The following TGFBR2 variants were observed in gnomAD, a reference collection of about 807,000 sequenced individuals.
The protein encoded by TGFBR2 is TGF-beta receptor type-2.
TGFBR2 carries 18 observed loss-of-function variants against 49.0 expected under a neutral mutation model. That is an observed-to-expected ratio of 0.37 (90% CI 0.25 to 0.54). The LOEUF (loss-of-function observed/expected upper bound fraction) is 0.54, where lower values mean the gene tolerates loss of function less well. TGFBR2 is among the 20% of genes least tolerant of loss of function. The pLI, the probability that TGFBR2 is intolerant of heterozygous loss-of-function variation, is 0.85. For missense variants in TGFBR2, 525 were observed against 722.6 expected (o/e 0.73, Z 3.13); for synonymous variants, 282 against 275.9 (o/e 1.02, Z -0.22).
chr3:30,648,462 A>ACACACACCC (rs71786414), intron 2 of TGFBR2, among the ~76,000 whole-genome samples: 1 of 149,872 alleles, frequency 6.7e-6, no homozygotes, highest in East Asian at 2.0e-4. Flanking sequence ...ACACACACAC[A>ACACACACCC]AAACTGTGGG....
rs1027228579 is a variant in TGFBR2 at position 30,691,888 on chromosome 3, A to G, written c.*289A>G. On this transcript the variant is annotated 3_prime_UTR_variant, in exon 7 of 7. Coordinates refer to ENST00000295754, the MANE Select transcript of TGFBR2 (RefSeq NM_003242.6). ...ATTTGCACTTTATTAATGCCTGTAT[A>G]TAAATATGAATAGCTATGTTTTATA... 10 of 374,306 alleles carry G rather than the reference A, an allele frequency of 2.7e-5. No homozygotes were observed. Among genetic ancestry groups the G allele is most frequent in the African/African-American group, 8.1e-5 (4 of 49,080 alleles). 23.2% of individuals were successfully genotyped at this position (374,306 alleles called of 1,614,324 possible).
chr3:30,644,867 G>A lies in TGFBR2; in HGVS notation c.215G>A (p.Ser72Asn), dbSNP rs764941621. ...CAGAAATCCTGCATGAGCAACTGCA[G>A]CATCACCTCCATCTGTGAGAAGCCA... The part of the protein sequence containing the change: ...DNQKSCMSNC[S>N]ITSICEKPQE... The change falls in exon 2 of 7, where the codon AGC becomes AAC. Residue 72 changes from serine to asparagine, a missense_variant. By Grantham distance (46) the Ser-to-Asn change is conservative (BLOSUM62 1). Coordinates refer to ENST00000295754, the MANE Select transcript of TGFBR2 (RefSeq NM_003242.6). 9.9e-6 allele frequency: 16 copies of A among 1,614,176 alleles called. No homozygotes were observed. Among genetic ancestry groups the A allele is most frequent in the Non-Finnish European group, 1.3e-5 (15 of 1,180,002 alleles).
chr3:30,658,659 A>C (rs1358885687), intron 3 of TGFBR2, among the ~76,000 whole-genome samples: 1 of 152,168 alleles, frequency 6.6e-6, no homozygotes, highest in Non-Finnish European at 1.5e-5. Context: ...AGAGAAGAAG[A>C]CTTCTTGTAG....
At chr3:30,659,537 T>C (rs1183250135) in intron 3 of TGFBR2, among the ~76,000 whole-genome samples, 1 of 144,378 alleles carries the variant, frequency 6.9e-6, no homozygotes, top group African/African-American at 2.5e-5. Context: ...CTTTTCAAGA[T>C]TTTTTTTTTT....
At chr3:30,668,729 C>T (rs984487984) in intron 3 of TGFBR2, among the ~76,000 whole-genome samples, 1 of 151,964 alleles carries the variant, frequency 6.6e-6, no homozygotes, top group Non-Finnish European at 1.5e-5. Context: ...TCTCACTTTC[C>T]CTATACTTTT....
chr3:30,623,454 C>G (rs903948556), intron 1 of TGFBR2, among the ~76,000 whole-genome samples: 5 of 152,188 alleles, frequency 3.3e-5, no homozygotes, highest in African/African-American at 4.8e-5. Flanking sequence ...GTTCTTGCCT[C>G]GAACATTAAA....
intron 1 of TGFBR2, among the ~76,000 whole-genome samples, chr3:30,633,492 C>T (rs11466489): frequency 0.042 from 6,448 of 152,166 alleles, 465 homozygotes; most frequent in African/African-American, 0.15. Context: ...TCTAGTTAAA[C>T]CCTAATATTA....
chr3:30,679,172 G>A (rs75359047), intron 5 of TGFBR2, among the ~76,000 whole-genome samples: 3,628 of 152,278 alleles, frequency 0.024, 69 homozygotes, highest in Non-Finnish European at 0.032. Flanking sequence ...GGCAAGTGTG[G>A]TTCAGTTGTG....
At chr3:30,683,591 G>A (rs72850854) in intron 5 of TGFBR2, among the ~76,000 whole-genome samples, 1,532 of 152,260 alleles carry the variant, frequency 0.01, 26 homozygotes, top group African/African-American at 0.035. Flanking sequence ...TTAGGAGTTG[G>A]GGAGAGATTT....
rs145745303 is a variant in TGFBR2, at chr3:30,656,211, C to G, written c.454+5751C>G. On this transcript the variant is annotated intron_variant, in intron 3 of 6. Transcript: ENST00000295754. ...CAGTCAGCTTGTGTAACAGAGCTCT[C>G]CAGTGGCATGTGGGTCTTTTTCAGC... Among the ~76,000 whole-genome samples, 287 of 152,286 alleles carry G rather than the reference C, an allele frequency of 1.9e-3. 1 individual carries two copies. Among genetic ancestry groups the G allele is most frequent in the African/African-American group, 6.4e-3 (267 of 41,560 alleles).
chr3:30,655,192 T>C (rs914385159), intron 3 of TGFBR2, among the ~76,000 whole-genome samples: 1 of 152,192 alleles, frequency 6.6e-6, no homozygotes, highest in South Asian at 2.1e-4. Context: ...TTAGCAGTAG[T>C]TGGGCTTTTT....
intron 1 of TGFBR2, 116 bp downstream of exon 1, chr3:30,607,093 A>G (rs1697937150): frequency 3.6e-6 from 3 of 844,572 alleles, no homozygotes. Context: ...GGAAACGAGG[A>G]AAGTTTCCCC....
At chr3:30,688,662 T>A in intron 6 of TGFBR2, 151 bp downstream of exon 6, 1 of 1,093,064 alleles carries the variant, frequency 9.1e-7, no homozygotes, top group Non-Finnish European at 1.3e-6. Context: ...CAAATTTCAA[T>A]ACAGTGGATA....
rs1036693598 is a variant in TGFBR2, at chr3:30,672,859, A to C, written c.1254+422A>C. ...AGCATCGTGGAAGGCAATCTCCCTG[A>C]AGTCCAAATCTACATCCACATGGTC... On this transcript the variant is annotated intron_variant, in intron 4 of 6. Coordinates refer to ENST00000295754, the MANE Select transcript of TGFBR2 (RefSeq NM_003242.6). This position sits in a 1 kb window ranked among gnomAD's most constrained non-coding sequence, Gnocchi z 4.5. Among the ~76,000 whole-genome samples the C allele has an allele frequency of 1.3e-5, 2 of 152,212 alleles. No homozygotes were observed. The highest frequency in any genetic ancestry group is 2.4e-5 in the African/African-American group (1 of 41,452).
intron 2 of TGFBR2, among the ~76,000 whole-genome samples, chr3:30,645,123 A>G (rs1190901518): frequency 1.3e-5 from 2 of 152,126 alleles, no homozygotes; most frequent in Non-Finnish European, 2.9e-5. Context: ...GGGTATATAA[A>G]CGTATCATGA....
At chr3:30,628,528 G>GGTTT (rs1698377360) in intron 1 of TGFBR2, among the ~76,000 whole-genome samples, 1 of 80,200 alleles carries the variant, frequency 1.2e-5, no homozygotes, top group Non-Finnish European at 2.2e-5. Context: ...AAGCCTGTGG[G>GGTTT]TTTTTTTTTT....
intron 1 of TGFBR2, among the ~76,000 whole-genome samples, chr3:30,608,590 G>A (rs559587051): frequency 3.3e-5 from 5 of 151,924 alleles, no homozygotes; most frequent in South Asian, 4.1e-4. Context: ...TGCGCATCAC[G>A]GTCAGTTGTA....
chr3:30,610,825 TC>T (rs1698015649), intron 1 of TGFBR2, among the ~76,000 whole-genome samples: 1 of 152,192 alleles, frequency 6.6e-6, no homozygotes, highest in Middle Eastern at 3.2e-3. Context: ...CTGACCTGGT[TC>T]CCATTTGACT....
intron 3 of TGFBR2, among the ~76,000 whole-genome samples, chr3:30,653,250 C>T (rs1698928182): frequency 5.3e-5 from 6 of 113,426 alleles, no homozygotes; most frequent in African/African-American, 3.4e-5. Flanking sequence ...GGAATGAAAA[C>T]TTTTTTTTTT....
Sources: gnomAD v4.1 joint callset for allele counts (sites outside exome capture counted in the v4.1 genomes callset) on GRCh38, gnomAD v4.1.1 for gene constraint, Gnocchi (gnomAD v3.1) non-coding constraint, MANE v1.5 for transcripts, NCBI Gene and HGNC (gene_info 2026-07-23, HGNC 2026-07-21) for gene names.